GLIS3: variants seen among roughly 807,000 people sequenced by gnomAD.
GLIS3 encodes GLIS family zinc finger 3.
GLIS3 carries 53 observed loss-of-function variants against 78.6 expected under a neutral mutation model. The ratio of observed to expected loss-of-function variants is 0.67; its 90% CI spans 0.54 to 0.85. The LOEUF (loss-of-function observed/expected upper bound fraction) is 0.85, where lower values mean the gene tolerates loss of function less well. Among genes scored for constraint, GLIS3 ranks in the 40% least tolerant of loss-of-function variants. GLIS3 has a pLI of 0.00. For missense variants in GLIS3, 1,703 were observed against 1,231.1 expected (o/e 1.38, Z -5.74); for synonymous variants, 684 against 509.9 (o/e 1.34, Z -4.60).
chr9:3,870,123 T>A (rs116176900), intron 8 of GLIS3, among the ~76,000 whole-genome samples: 1 of 152,194 alleles, frequency 6.6e-6, no homozygotes, highest in Non-Finnish European at 1.5e-5. Flanking sequence ...TTGAAAATCG[T>A]TGCTGTCTTT....
chr9:4,143,995 G>A (rs181132623), intron 2 of GLIS3, among the ~76,000 whole-genome samples: 19 of 152,314 alleles, frequency 1.2e-4, no homozygotes, highest in African/African-American at 4.6e-4. Flanking sequence ...TAAACATAGT[G>A]AGCACCTTAG....
chr9:4,266,176 C>T (rs896651350), intron 2 of GLIS3, among the ~76,000 whole-genome samples: 1 of 151,772 alleles, frequency 6.6e-6, no homozygotes, highest in African/African-American at 2.4e-5. Flanking sequence ...CCTCAGCCTC[C>T]CAAAGTGCTG....
At chr9:4,084,334 G>C (rs1828831077) in intron 4 of GLIS3, among the ~76,000 whole-genome samples, 1 of 150,844 alleles carries the variant, frequency 6.6e-6, no homozygotes, top group South Asian at 2.1e-4. Context: ...GGGCCTGTGG[G>C]ATATCTCTTA....
At chr9:4,189,695 A>C (rs539531317) in intron 2 of GLIS3, among the ~76,000 whole-genome samples, 10 of 152,310 alleles carry the variant, frequency 6.6e-5, no homozygotes, top group Admixed American at 1.3e-4. Flanking sequence ...GGGTGCATAT[A>C]TATTTAGGAT....
At position 3,825,774 on chromosome 9, in the gene GLIS3, A is replaced by G. The variant is rs1563749576; in HGVS notation, c.*2498T>C. The G allele has an allele frequency of 6.6e-6, 1 of 152,248 alleles. No homozygotes were observed. Among genetic ancestry groups the G allele is most frequent in the Admixed American group, 6.5e-5 (1 of 15,290 alleles). The allele number at this position is 152,248 out of a possible 1,614,324, so 9.4% of individuals were successfully genotyped here. On this transcript the variant is annotated 3_prime_UTR_variant, in exon 11 of 11. Coordinates refer to ENST00000381971, the MANE Select transcript of GLIS3 (RefSeq NM_001042413.2). ...GAACGTGTCCTATCCTGAGGCTGCA[A>G]TCTCAAGCCTGCAGCTATCAGGAAA...
At chr9:4,197,964 A>C (rs572307187) in intron 2 of GLIS3, among the ~76,000 whole-genome samples, 55 of 152,290 alleles carry the variant, frequency 3.6e-4, no homozygotes, top group African/African-American at 1.2e-3. Flanking sequence ...GACAAAAAGA[A>C]AGAACAAAAA....
the GLIS3 span, among the ~76,000 whole-genome samples, chr9:4,467,034 C>A: frequency 1.3e-5 from 2 of 152,222 alleles, no homozygotes; most frequent in Non-Finnish European, 2.9e-5. Flanking sequence ...TCACTCACTG[C>A]TAGCACAGCA....
chr9:4,181,911 G>T (rs902434696), intron 2 of GLIS3, among the ~76,000 whole-genome samples: 1 of 152,194 alleles, frequency 6.6e-6, no homozygotes, highest in African/African-American at 2.4e-5. Context: ...AACCGAGTTA[G>T]CCCAGACCAT....
At chr9:4,014,186 A>G (rs1822259368) in intron 4 of GLIS3, among the ~76,000 whole-genome samples, 1 of 152,204 alleles carries the variant, frequency 6.6e-6, no homozygotes, top group African/African-American at 2.4e-5. Flanking sequence ...TGAAACCTAC[A>G]AGGTTTCTAA....
At chr9:3,884,804 A>G (rs1821962339) in intron 7 of GLIS3, among the ~76,000 whole-genome samples, 3 of 152,132 alleles carry the variant, frequency 2.0e-5, no homozygotes, top group Non-Finnish European at 2.9e-5. Flanking sequence ...GGGAAGCCTG[A>G]TTTTATTAAT....
chr9:4,205,863 T>C (rs982808217), intron 2 of GLIS3, among the ~76,000 whole-genome samples: 2 of 152,248 alleles, frequency 1.3e-5, no homozygotes, highest in Non-Finnish European at 2.9e-5. Flanking sequence ...TAAATATGGA[T>C]GACTTCTCCT....
chr9:4,388,460 C>T, the GLIS3 span, among the ~76,000 whole-genome samples: 4 of 151,970 alleles, frequency 2.6e-5, no homozygotes, highest in Non-Finnish European at 2.9e-5. Context: ...GGGCAGATCA[C>T]GAGGTCAGGA....
At chr9:4,074,173 G>T (rs1453078028) in intron 4 of GLIS3, among the ~76,000 whole-genome samples, 1 of 152,172 alleles carries the variant, frequency 6.6e-6, no homozygotes, top group Non-Finnish European at 1.5e-5. Flanking sequence ...CCAGCCTAGG[G>T]ATGGTCAATA....
chr9:4,038,131 G>C (rs528410166), intron 4 of GLIS3, among the ~76,000 whole-genome samples: 35 of 152,310 alleles, frequency 2.3e-4, no homozygotes, highest in African/African-American at 7.9e-4. Context: ...AAACTTCAAT[G>C]AGGCCCAAGT....
chr9:4,438,386 T>A, the GLIS3 span, among the ~76,000 whole-genome samples: 249 of 152,284 alleles, frequency 1.6e-3, 2 homozygotes, highest in African/African-American at 4.7e-3. Context: ...AAAGGCAAAA[T>A]GACAAATAGA....
the GLIS3 span, among the ~76,000 whole-genome samples, chr9:4,451,331 G>A: frequency 2.0e-5 from 3 of 152,174 alleles, no homozygotes; most frequent in Non-Finnish European, 4.4e-5. Flanking sequence ...CAATGCAGGA[G>A]CACCCAGATT....
intron 4 of GLIS3, among the ~76,000 whole-genome samples, chr9:4,023,424 C>G (rs1286499129): frequency 3.3e-5 from 5 of 152,156 alleles, no homozygotes; most frequent in African/African-American, 1.2e-4. Context: ...GCTTGGCCAT[C>G]AGACCCCAAA....
At chr9:3,954,181 A>C (rs610609) in intron 4 of GLIS3, among the ~76,000 whole-genome samples, 2,137 of 152,272 alleles carry the variant, frequency 0.014, 57 homozygotes, top group African/African-American at 0.049. Flanking sequence ...ATCTCTATTA[A>C]GGGTGCTAAA....
chr9:3,934,070 C>T (rs1310490800), intron 5 of GLIS3, among the ~76,000 whole-genome samples: 2 of 152,138 alleles, frequency 1.3e-5, no homozygotes, highest in East Asian at 1.9e-4. Context: ...ACCAGGTTCT[C>T]GATACCTCAT....
Sources: gnomAD v4.1 joint callset for allele counts (sites outside exome capture counted in the v4.1 genomes callset) on GRCh38, gnomAD v4.1.1 for gene constraint, MANE v1.5 for transcripts, NCBI Gene and HGNC (gene_info 2026-07-23, HGNC 2026-07-21) for gene names.